PCGF5: variants seen among roughly 807,000 people sequenced by gnomAD.
The protein encoded by PCGF5 is polycomb group RING finger protein 5.
In PCGF5, 9 loss-of-function variants were observed where a neutral mutation model predicts 44.3. The observed-to-expected ratio is 0.20, with a 90% CI of 0.12 to 0.35. PCGF5 has a LOEUF of 0.35. PCGF5 is among the 10% of genes least tolerant of loss of function. The pLI is 1.00. For missense variants in PCGF5, 146 were observed against 305.3 expected (o/e 0.48, Z 3.89); for synonymous variants, 95 against 102.5 (o/e 0.93, Z 0.44).
chr10:91,210,395 A>G (rs1844427041), intron 1 of PCGF5, among the ~76,000 whole-genome samples: 1 of 152,248 alleles, frequency 6.6e-6, no homozygotes, highest in Non-Finnish European at 1.5e-5. Context: ...ATTACTCATT[A>G]CTTCTAAATG....
rs138671662 is a variant in PCGF5 at position 91,279,999 on chromosome 10, T to C, written c.*1683T>C. The C allele has an allele frequency of 6.6e-6, 1 of 152,204 alleles. No homozygotes were observed. Among genetic ancestry groups the C allele is most frequent in the East Asian group, 1.9e-4 (1 of 5,188 alleles). The allele number at this position is 152,204 out of a possible 1,614,324, so 9.4% of individuals were successfully genotyped here. On this transcript the variant is annotated 3_prime_UTR_variant, in exon 10 of 10. Transcript: ENST00000336126. ...TGAGTCAAAAAGTCTATTAAATTTT[T>C]CTGTTGTTGTTCCAACTTTGGTGAA... is the stretch of plus-strand genomic sequence containing the variant.
chr10:91,223,097 C>A, intron 2 of PCGF5, 114 bp downstream of exon 2: 2 of 682,540 alleles, frequency 2.9e-6, no homozygotes, highest in South Asian at 1.9e-5. Context: ...AATGAGTATT[C>A]TAATAATTAT....
At chr10:91,159,307 T>C (rs1843352586), upstream of PCGF5, among the ~76,000 whole-genome samples, 1 of 152,094 alleles carries the variant, frequency 6.6e-6, no homozygotes, top group African/African-American at 2.4e-5. Context: ...CTATAACATG[T>C]CTATAATTGA....
Position 91,281,974 on chromosome 10 carries a change from G to A in PCGF5, c.*3658G>A, listed in dbSNP as rs1000449151. 6.6e-6 allele frequency: 1 copy of A among 152,056 alleles called. No homozygotes were observed. The highest frequency in any genetic ancestry group is 1.5e-5 in the Non-Finnish European group (1 of 68,006). 9.4% of individuals were successfully genotyped at this position (152,056 alleles called of 1,614,324 possible). ...AAGTTCAGATTTTTAATTTGAGAGG[G>A]TTTTTATTTCATGGAGGCAGTGTTA... On this transcript the variant is annotated 3_prime_UTR_variant, in exon 10 of 10. Transcript: ENST00000336126.
chr10:91,163,144 G>A (rs1843420888), intron 1 of PCGF5: 1 of 150,020 alleles, frequency 6.7e-6, no homozygotes, highest in Non-Finnish European at 1.5e-5. Flanking sequence ...GGAAGTTTCT[G>A]GCGTGGCTGT....
At chr10:91,200,750 A>G (rs995157336) in intron 1 of PCGF5, among the ~76,000 whole-genome samples, 1 of 152,146 alleles carries the variant, frequency 6.6e-6, no homozygotes, top group African/African-American at 2.4e-5. Context: ...CTTTGTGGTC[A>G]TTGGACAGTG....
rs183633801 is a variant in PCGF5 at position 91,242,205 on chromosome 10, C to T, written c.209+1625C>T. Among the ~76,000 whole-genome samples, 93 of 150,302 alleles carry T rather than the reference C, an allele frequency of 6.2e-4. 1 individual carries two copies. The highest frequency in any genetic ancestry group is 2.2e-3 in the African/African-American group (91 of 40,776). On this transcript the variant is annotated intron_variant, in intron 3 of 9. Coordinates refer to ENST00000336126, the MANE Select transcript of PCGF5 (RefSeq NM_032373.5). Reference sequence around the variant, plus strand: ...TAGTAGGCAGGGGACAGGGATGCTACTAAGCATCCTACAATGCACAGGATA... The same window carrying T: ...TAGTAGGCAGGGGACAGGGATGCTATTAAGCATCCTACAATGCACAGGATA...
At chr10:91,254,167 TGTTC>T (rs1845689613) in intron 6 of PCGF5, among the ~76,000 whole-genome samples, 1 of 151,654 alleles carries the variant, frequency 6.6e-6, no homozygotes, top group Non-Finnish European at 1.5e-5. Flanking sequence ...TTTATGTATG[TGTTC>T]GTTCTCTCTC....
chr10:91,179,660 C>T (rs1843782569), intron 1 of PCGF5, among the ~76,000 whole-genome samples: 1 of 152,186 alleles, frequency 6.6e-6, no homozygotes, highest in Admixed American at 6.5e-5. Context: ...CCAACCATGT[C>T]CCCACAAAGG....
At chr10:91,264,825 T>C (rs1054104167) in intron 8 of PCGF5, among the ~76,000 whole-genome samples, 6 of 152,070 alleles carry the variant, frequency 3.9e-5, no homozygotes, top group African/African-American at 9.7e-5. Flanking sequence ...TGTTGGAACA[T>C]TTATGTATAT....
intron 8 of PCGF5, among the ~76,000 whole-genome samples, chr10:91,268,135 G>A (rs1846089937): frequency 6.6e-6 from 1 of 151,842 alleles, no homozygotes; most frequent in Non-Finnish European, 1.5e-5. Flanking sequence ...TGTGTTCCTA[G>A]ACATTGTTTT....
chr10:91,243,152 T>G (rs1845373183), intron 3 of PCGF5, among the ~76,000 whole-genome samples: 1 of 152,134 alleles, frequency 6.6e-6, no homozygotes, highest in African/African-American at 2.4e-5. Context: ...GTGATGGTGA[T>G]AGTTGAGCGG....
chr10:91,254,331 TTGGCGTG>T (rs1274328280), intron 6 of PCGF5, among the ~76,000 whole-genome samples: 1 of 151,990 alleles, frequency 6.6e-6, no homozygotes, highest in Non-Finnish European at 1.5e-5. Flanking sequence ...CCCTTCCTTT[TTGGCGTG>T]TTCTTTCCTC....
chr10:91,187,224 C>T (rs779966189), intron 1 of PCGF5, among the ~76,000 whole-genome samples: 3 of 152,100 alleles, frequency 2.0e-5, no homozygotes, highest in Non-Finnish European at 2.9e-5. Context: ...GATGGGGCCT[C>T]AGCATGATAT....
chr10:91,203,483 G>A (rs1285036508), intron 1 of PCGF5, among the ~76,000 whole-genome samples: 3 of 152,160 alleles, frequency 2.0e-5, no homozygotes, highest in Non-Finnish European at 4.4e-5. Context: ...CTATAGGATA[G>A]TAACTAGTTT....
upstream of PCGF5, among the ~76,000 whole-genome samples, chr10:91,158,728 A>C (rs1251066738): frequency 6.6e-6 from 1 of 152,150 alleles, no homozygotes; most frequent in Non-Finnish European, 1.5e-5. Context: ...TACCCCAAAC[A>C]ATGCTTTTTC....
At chr10:91,227,496 C>A in intron 2 of PCGF5, 1 of 1,272,010 alleles carries the variant, frequency 7.9e-7, no homozygotes, top group Non-Finnish European at 1.0e-6. Flanking sequence ...GGGCAAAGTC[C>A]TGCTGGTCTC....
intron 8 of PCGF5, among the ~76,000 whole-genome samples, chr10:91,265,789 CT>C (rs1846037773): frequency 6.6e-6 from 1 of 152,004 alleles, no homozygotes; most frequent in African/African-American, 2.4e-5. Flanking sequence ...AGTTTTTTTC[CT>C]GCTTGAGATG....
chr10:91,207,035 G>A (rs1844360416), intron 1 of PCGF5, among the ~76,000 whole-genome samples: 1 of 152,132 alleles, frequency 6.6e-6, no homozygotes, highest in African/African-American at 2.4e-5. Flanking sequence ...GGCTTTGTCT[G>A]GTTCAGTGCT....
Sources: gnomAD v4.1 joint callset for allele counts (sites outside exome capture counted in the v4.1 genomes callset) on GRCh38, gnomAD v4.1.1 for gene constraint, MANE v1.5 for transcripts, NCBI Gene and HGNC (gene_info 2026-07-23, HGNC 2026-07-21) for gene names.